Variants in JPT2 observed in about 807,000 individuals in gnomAD.
JPT2 encodes CRAMP_1 like.
Under a neutral mutation model 15.9 loss-of-function variants are expected in JPT2, and 9 were observed. The observed-to-expected ratio is 0.57, with a 90% confidence interval of 0.34 to 0.99. The LOEUF (loss-of-function observed/expected upper bound fraction) is 0.99, where lower values mean the gene tolerates loss of function less well. JPT2 is among the 50% of genes least tolerant of loss of function. JPT2 has a pLI of 0.02. For synonymous variants in JPT2, 95 were observed against 91.7 expected (o/e 1.04, Z -0.21); for missense variants, 267 against 252.1 (o/e 1.06, Z -0.40).
chr16:1,699,312 G>A lies in JPT2; in HGVS notation c.*314G>A, dbSNP rs188022774. 7.6e-5 allele frequency: 42 copies of A among 554,892 alleles called. No homozygotes were observed. The highest frequency in any genetic ancestry group is 6.3e-4 in the African/African-American group (34 of 53,902). The allele number at this position is 554,892 out of a possible 1,614,324, so 34.4% of individuals were successfully genotyped here. ...GGCATGGTCCTTGGATCAACAGCCC[G>A]CCAGCTGATTGGATGTCTAGGAATG... On this transcript the variant is annotated 3_prime_UTR_variant, in exon 5 of 5. Transcript: ENST00000248098.
intron 2 of JPT2, among the ~76,000 whole-genome samples, chr16:1,687,610 C>T (rs1010453048): frequency 2.6e-5 from 4 of 152,226 alleles, no homozygotes; most frequent in Non-Finnish European, 5.9e-5. Flanking sequence ...GGTCTCATGC[C>T]CAGTGGGGAG....
chr16:1,697,809 C>G lies in JPT2; in HGVS notation c.337-3C>G. ...CCTGATTTGGTGGTTTGCCTTGTTG[C>G]AGGATCATGTTTTCTTATGTGAAGG... On this transcript the variant is annotated splice_polypyrimidine_tract_variant and splice_region_variant and intron_variant, in intron 3 of 4. Coordinates refer to ENST00000248098, the MANE Select transcript of JPT2 (RefSeq NM_144570.3). 1 of 1,613,702 alleles carries G rather than the reference C, an allele frequency of 6.2e-7. No homozygotes were observed. The highest frequency in any genetic ancestry group is 8.5e-7 in the Non-Finnish European group (1 of 1,179,866).
intron 2 of JPT2, chr16:1,685,887 C>T (rs1037286868): frequency 3.9e-6 from 1 of 258,902 alleles, no homozygotes; most frequent in African/African-American, 2.3e-5. Flanking sequence ...CCACGGACCC[C>T]CATGAGATTC....
intron 2 of JPT2, among the ~76,000 whole-genome samples, chr16:1,691,158 A>G (rs2037101268): frequency 6.6e-6 from 1 of 152,250 alleles, no homozygotes; most frequent in Non-Finnish European, 1.5e-5. Flanking sequence ...TTGGTCCCAC[A>G]GGGTAGCCAT....
At chr16:1,687,283 G>C (rs889933894) in intron 2 of JPT2, among the ~76,000 whole-genome samples, 1 of 152,148 alleles carries the variant, frequency 6.6e-6, no homozygotes, top group Admixed American at 6.5e-5. Context: ...CCTTGTGCCC[G>C]GCCGAAGCTA....
intron 3 of JPT2, 39 bp downstream of exon 3, chr16:1,692,024 T>C: frequency 1.2e-6 from 2 of 1,609,516 alleles, no homozygotes; most frequent in Non-Finnish European, 1.7e-6. Flanking sequence ...CAGCAGCGGG[T>C]ATGCCAGGTG....
At chr16:1,679,250 T>C (rs898992964) in intron 1 of JPT2, among the ~76,000 whole-genome samples, 1 of 152,226 alleles carries the variant, frequency 6.6e-6, no homozygotes, top group Non-Finnish European at 1.5e-5. Context: ...TGGCACAGCC[T>C]CGCCAGAGAA....
chr16:1,702,787 C>A (rs1295487600), downstream of JPT2, among the ~76,000 whole-genome samples: 2 of 152,210 alleles, frequency 1.3e-5, no homozygotes, highest in African/African-American at 2.4e-5. Flanking sequence ...AGGAACATCA[C>A]AGGGAACTGT....
rs368670020 is a variant in JPT2 at position 1,698,857 on chromosome 16, C to T, written c.432C>T (p.Ser144=). The T allele has an allele frequency of 8.1e-6, 13 of 1,614,102 alleles. No individual in the cohort carries two copies. The highest frequency in any genetic ancestry group is 1.0e-5 in the Non-Finnish European group (12 of 1,180,004). The change falls in exon 5 of 5, where the codon AGC becomes AGT. Residue 144 remains serine (S), a synonymous_variant. Coordinates refer to ENST00000248098, the MANE Select transcript of JPT2 (RefSeq NM_144570.3). The surrounding 1 kb of genome is among the most constrained non-coding windows in gnomAD (Gnocchi z 4.9). ...GAGCAGAGCCAGGTGAGAAAGGCAG[C>T]GCCAGAAAAGCAGGCCCCGCCAAGG... is the stretch of plus-strand genomic sequence containing the variant. ...PAGAEPGEKG[S]ARKAGPAKEQ...
chr16:1,691,561 G>A (rs760433489), intron 2 of JPT2, among the ~76,000 whole-genome samples: 2 of 152,094 alleles, frequency 1.3e-5, no homozygotes, highest in Non-Finnish European at 2.9e-5. Flanking sequence ...AATTCTAGAG[G>A]GAAAATCTGC....
Position 1,685,545 on chromosome 16 carries a change from A to G in JPT2, c.151A>G (p.Thr51Ala), listed in dbSNP as rs1402473795. ...GATGGCATCTAATATTTTTGGACCA[A>G]CAGAAGAACCTCAGAACATACCCAA... ...NRMASNIFGP[T>A]EEPQNIPKRT... The change falls in exon 2 of 5, where the codon ACA becomes GCA. Residue 51 changes from threonine (T) to alanine (A), a missense_variant. Coordinates refer to ENST00000248098, the MANE Select transcript of JPT2 (RefSeq NM_144570.3). 6.2e-7 allele frequency: 1 copy of G among 1,614,172 alleles called. No individual in the cohort carries two copies. Among genetic ancestry groups the G allele is most frequent in the Non-Finnish European group, 8.5e-7 (1 of 1,180,038 alleles).
At position 1,685,421 on chromosome 16, in the gene JPT2, T is replaced by C; in HGVS notation, c.45-18T>C. 1.9e-6 allele frequency: 3 copies of C among 1,613,658 alleles called. No homozygotes were observed. The highest frequency in any genetic ancestry group is 2.5e-6 in the Non-Finnish European group (3 of 1,179,776). On this transcript the variant is annotated intron_variant, in intron 1 of 4. Transcript: ENST00000248098. Reference sequence around the variant, plus strand: ...TCAGGTCTGCCATCAGTAATTGGCATGTACTCTGTGCTTGTAGGGCCATGA... The same window carrying C: ...TCAGGTCTGCCATCAGTAATTGGCACGTACTCTGTGCTTGTAGGGCCATGA...
intron 1 of JPT2, among the ~76,000 whole-genome samples, chr16:1,679,247 G>C (rs767426385): frequency 6.6e-6 from 1 of 152,236 alleles, no homozygotes; most frequent in African/African-American, 2.4e-5. Flanking sequence ...CTGTGGCACA[G>C]CCTCGCCAGA....
At chr16:1,694,982 C>T (rs912368633) in intron 3 of JPT2, among the ~76,000 whole-genome samples, 1 of 152,184 alleles carries the variant, frequency 6.6e-6, no homozygotes, top group Non-Finnish European at 1.5e-5. Flanking sequence ...ATAAATTGGG[C>T]CGTGCATGGT....
rs886832496 is a variant in JPT2 at position 1,700,770 on chromosome 16, G to C, written c.*1772G>C. The C allele has an allele frequency of 2.6e-5, 4 of 152,436 alleles. No homozygotes were observed. The highest frequency in any genetic ancestry group is 7.2e-5 in the African/African-American group (3 of 41,448). The allele number at this position is 152,436 out of a possible 1,614,324, so 9.4% of individuals were successfully genotyped here. A position where few individuals can be genotyped will look rare whatever the true frequency, so the allele number is the denominator to read the frequency against. Reference sequence around the variant, plus strand: ...CATTTATAACTTCTGTTTTTTTATTGAGAAAATGATTCACGAATTCCAAAT... The same window carrying C: ...CATTTATAACTTCTGTTTTTTTATTCAGAAAATGATTCACGAATTCCAAAT... On this transcript the variant is annotated 3_prime_UTR_variant, in exon 5 of 5. Coordinates refer to ENST00000248098, the MANE Select transcript of JPT2 (RefSeq NM_144570.3).
At chr16:1,687,079 C>A (rs545916551) in intron 2 of JPT2, among the ~76,000 whole-genome samples, 1 of 152,212 alleles carries the variant, frequency 6.6e-6, no homozygotes, top group Non-Finnish European at 1.5e-5. Flanking sequence ...ACTTCCCAGG[C>A]TCAGGTGACC....
chr16:1,688,296 C>G (rs1438320051), intron 2 of JPT2: 3 of 152,218 alleles, frequency 2.0e-5, no homozygotes, highest in African/African-American at 7.2e-5. Flanking sequence ...CGTAGCAGAG[C>G]TAGTCGGTAG....
At chr16:1,681,962 C>T (rs1293662973) in intron 1 of JPT2, among the ~76,000 whole-genome samples, 2 of 152,224 alleles carry the variant, frequency 1.3e-5, no homozygotes, top group Non-Finnish European at 2.9e-5. Context: ...TCATGCTCAG[C>T]TCACATAAGA....
At chr16:1,678,491 G>GGCCGCCGCCCGCCTTTCTGC (rs1483607033) in intron 1 of JPT2, 135 bp downstream of exon 1, 2 of 908,412 alleles carry the variant, frequency 2.2e-6, no homozygotes, top group Non-Finnish European at 1.4e-6. Flanking sequence ...AGGCCCTCGG[G>GGCCGCCGCCCGCCTTTCTGC]GCCGCCGCCC....
Sources: allele counts gnomAD v4.1 joint callset (sites outside exome capture counted in the v4.1 genomes callset), GRCh38; gene constraint gnomAD v4.1.1; non-coding constraint Gnocchi (gnomAD v3.1); transcripts MANE v1.5; gene names NCBI Gene and HGNC (gene_info 2026-07-23, HGNC 2026-07-21).